The following SORCS3 variants were observed in gnomAD, a reference collection of about 807,000 sequenced individuals.
The protein encoded by SORCS3 is VPS10 domain-containing receptor SorCS3.
A neutral mutation model predicts 146.3 loss-of-function variants in SORCS3; 57 were observed. The ratio of observed to expected loss-of-function variants is 0.39; its 90% CI spans 0.31 to 0.49. SORCS3 has a LOEUF of 0.49. Ranked by LOEUF, SORCS3 falls within the 20% of genes least tolerant of loss-of-function variation. The pLI, the probability that SORCS3 is intolerant of heterozygous loss-of-function variation, is 0.92. For synonymous variants in SORCS3, 653 were observed against 618.5 expected, an observed-to-expected ratio of 1.06 and a Z score of -0.83; for missense variants, 1,341 against 1,575.5, an observed-to-expected ratio of 0.85 and a Z score of 2.52.
chr10:105,137,865 G>A (rs2119445987), intron 7 of SORCS3, among the ~76,000 whole-genome samples: 1 of 149,832 alleles, frequency 6.7e-6, no homozygotes, highest in Non-Finnish European at 1.5e-5. Flanking sequence ...CTAATTAAAT[G>A]TAAAACCAAA....
intron 3 of SORCS3, among the ~76,000 whole-genome samples, chr10:104,970,779 CT>C (rs2054856328): frequency 6.6e-6 from 1 of 152,132 alleles, no homozygotes; most frequent in Non-Finnish European, 1.5e-5. Context: ...AGGGAAAGGA[CT>C]GTGAATTTTA....
intron 2 of SORCS3, among the ~76,000 whole-genome samples, chr10:104,901,724 G>A (rs1318904502): frequency 6.6e-6 from 1 of 152,092 alleles, no homozygotes; most frequent in Non-Finnish European, 1.5e-5. Context: ...TTGGCTTTCA[G>A]GCCTTGCTCA....
At chr10:105,111,651 C>A (rs980795426) in intron 7 of SORCS3, among the ~76,000 whole-genome samples, 1 of 152,172 alleles carries the variant, frequency 6.6e-6, no homozygotes, top group African/African-American at 2.4e-5. Flanking sequence ...TATTCATTGT[C>A]CTTTTTATAT....
At chr10:104,725,392 G>C (rs554623558) in intron 1 of SORCS3, among the ~76,000 whole-genome samples, 1 of 152,144 alleles carries the variant, frequency 6.6e-6, no homozygotes, top group African/African-American at 2.4e-5. Context: ...CCCTACTGGG[G>C]GTTGCCTCCC....
intron 1 of SORCS3, among the ~76,000 whole-genome samples, chr10:104,720,624 C>T (rs563169352): frequency 1.3e-5 from 2 of 152,304 alleles, no homozygotes; most frequent in East Asian, 1.9e-4. Context: ...TCTCCACATC[C>T]TCTCCAGCAC....
chr10:104,647,196 G>A (rs189192103), intron 1 of SORCS3, among the ~76,000 whole-genome samples: 3 of 152,252 alleles, frequency 2.0e-5, no homozygotes, highest in Admixed American at 2.0e-4. Context: ...TCAAGGCTAT[G>A]TATGTCCCGG....
intron 22 of SORCS3, 83 bp downstream of exon 22, chr10:105,247,414 T>C (rs1415457611): frequency 2.8e-6 from 2 of 703,776 alleles, no homozygotes; most frequent in Non-Finnish European, 4.9e-6. Flanking sequence ...TTGGCATGGA[T>C]TGAAACTGCA....
At chr10:105,117,550 T>C (rs1048750730) in intron 7 of SORCS3, among the ~76,000 whole-genome samples, 1 of 152,172 alleles carries the variant, frequency 6.6e-6, no homozygotes, top group African/African-American at 2.4e-5. Flanking sequence ...CATCCCTATG[T>C]TAGACTTTCC....
rs2056219415 is a variant in SORCS3 at position 105,157,298 on chromosome 10, C to T, written c.1629+14C>T. ...CACTGCCTGCTGGTCAGTCACTCAG[C>T]CTCATGGGAAGTTCACAGGGCAGGC... On this transcript the variant is annotated intron_variant, in intron 10 of 26. Transcript: ENST00000369701. 1.9e-6 allele frequency: 3 copies of T among 1,613,090 alleles called. No individual in the cohort carries two copies. Among genetic ancestry groups the T allele is most frequent in the African/African-American group, 1.3e-5 (1 of 74,904 alleles).
At chr10:105,249,500 G>A (rs1386591679) in intron 22 of SORCS3, among the ~76,000 whole-genome samples, 1 of 152,126 alleles carries the variant, frequency 6.6e-6, no homozygotes, top group African/African-American at 2.4e-5. Context: ...AAATAGAAGA[G>A]AATGACATAG....
At chr10:104,966,911 ATAT>A (rs2133639433) in intron 3 of SORCS3, among the ~76,000 whole-genome samples, 1 of 151,722 alleles carries the variant, frequency 6.6e-6, no homozygotes, top group African/African-American at 2.4e-5. Context: ...ATTAAAACCA[ATAT>A]TATTCAACAT....
intron 25 of SORCS3, among the ~76,000 whole-genome samples, chr10:105,259,807 T>C (rs1377146023): frequency 6.6e-6 from 1 of 152,198 alleles, no homozygotes; most frequent in African/African-American, 2.4e-5. Context: ...CTAACACTCA[T>C]AATAGATGGA....
At chr10:105,218,987 C>T (rs544637985) in intron 19 of SORCS3, among the ~76,000 whole-genome samples, 5 of 152,192 alleles carry the variant, frequency 3.3e-5, no homozygotes, top group East Asian at 1.9e-4. Flanking sequence ...TGTACTCCAG[C>T]CTGGGAGACA....
At chr10:104,761,255 A>G (rs898864546) in intron 1 of SORCS3, among the ~76,000 whole-genome samples, 1 of 152,220 alleles carries the variant, frequency 6.6e-6, no homozygotes, top group Admixed American at 6.5e-5. Context: ...CTACAGTGGC[A>G]TTTTAATGGG....
At chr10:104,763,613 G>A (rs115451318) in intron 1 of SORCS3, among the ~76,000 whole-genome samples, 195 of 152,292 alleles carry the variant, frequency 1.3e-3, no homozygotes, top group African/African-American at 4.5e-3. Context: ...GGCAGAACAG[G>A]CGTGGACTTC....
intron 3 of SORCS3, among the ~76,000 whole-genome samples, chr10:104,930,086 A>G (rs961552558): frequency 8.5e-5 from 13 of 152,248 alleles, no homozygotes; most frequent in Non-Finnish European, 1.9e-4. Context: ...AAATGAAGAA[A>G]ACGATAAACG....
At chr10:105,195,205 G>T (rs2056537380) in intron 14 of SORCS3, among the ~76,000 whole-genome samples, 1 of 152,184 alleles carries the variant, frequency 6.6e-6, no homozygotes, top group Non-Finnish European at 1.5e-5. Context: ...TATGAGAAGT[G>T]TGCTGTACCT....
chr10:105,181,245 C>T (rs2056440763), intron 14 of SORCS3, among the ~76,000 whole-genome samples: 1 of 152,190 alleles, frequency 6.6e-6, no homozygotes, highest in Admixed American at 6.5e-5. Context: ...ATTTTTCTGG[C>T]CCATGGCTCT....
At chr10:104,877,937 T>C (rs950598645) in intron 2 of SORCS3, among the ~76,000 whole-genome samples, 2 of 152,182 alleles carry the variant, frequency 1.3e-5, no homozygotes, top group African/African-American at 4.8e-5. Flanking sequence ...TGAAAATCTG[T>C]TTACTTATTT....
Sources: gnomAD v4.1 joint callset for allele counts (sites outside exome capture counted in the v4.1 genomes callset) on GRCh38, gnomAD v4.1.1 for gene constraint, MANE v1.5 for transcripts, NCBI Gene and HGNC (gene_info 2026-07-23, HGNC 2026-07-21) for gene names.